SUSD4: variants seen among roughly 807,000 people sequenced by gnomAD.
The protein encoded by SUSD4 is sushi domain containing 4, also known as sushi domain-containing protein 4.
In SUSD4, 41 loss-of-function variants were observed where a neutral mutation model predicts 50.5. The ratio of observed to expected loss-of-function variants is 0.81; its 90% CI spans 0.63 to 1.05. SUSD4 has a LOEUF of 1.05. SUSD4 is among the 50% of genes least tolerant of loss of function. SUSD4 has a pLI of 0.00. For missense variants in SUSD4, 580 were observed against 634.7 expected, an observed-to-expected ratio of 0.91 and a Z score of 0.93; for synonymous variants, 257 against 257.3, an observed-to-expected ratio of 1.00 and a Z score of 0.01.
intron 3 of SUSD4, among the ~76,000 whole-genome samples, chr1:223,286,154 C>A (rs1434051774): frequency 6.6e-6 from 1 of 152,070 alleles, no homozygotes; most frequent in African/African-American, 2.4e-5. Context: ...CTCGCTCTGT[C>A]GCCCAGGCTG....
chr1:223,303,748 G>A (rs1332198489), intron 2 of SUSD4, among the ~76,000 whole-genome samples: 1 of 152,202 alleles, frequency 6.6e-6, no homozygotes, highest in Non-Finnish European at 1.5e-5. Context: ...GGGAAGGTTA[G>A]TGAGGGATTT....
chr1:223,273,152 G>A (rs1663028701), intron 3 of SUSD4, among the ~76,000 whole-genome samples: 1 of 152,200 alleles, frequency 6.6e-6, no homozygotes, highest in Admixed American at 6.5e-5. Context: ...AACAGCTAGT[G>A]CAAAGGCCAG....
chr1:223,344,229 C>T (rs1476363062), intron 2 of SUSD4, among the ~76,000 whole-genome samples: 2 of 152,078 alleles, frequency 1.3e-5, no homozygotes, highest in Non-Finnish European at 2.9e-5. Flanking sequence ...ATCATTCTGA[C>T]AATATTTCAA....
At chr1:223,223,730 G>A (rs1659300020) in intron 7 of SUSD4, 99 bp from the exon 8 acceptor site, 23 of 1,380,436 alleles carry the variant, frequency 1.7e-5, no homozygotes, top group Non-Finnish European at 2.0e-5. Context: ...CAGGACCCAC[G>A]ATGGGCAGCA....
At chr1:223,299,723 A>T (rs1415699334) in intron 2 of SUSD4, among the ~76,000 whole-genome samples, 1 of 152,150 alleles carries the variant, frequency 6.6e-6, no homozygotes, top group African/African-American at 2.4e-5. Flanking sequence ...GCCTCATCCA[A>T]TTTGTCCAAT....
intron 2 of SUSD4, among the ~76,000 whole-genome samples, chr1:223,304,191 C>T (rs1242145828): frequency 6.6e-6 from 1 of 152,176 alleles, no homozygotes; most frequent in Non-Finnish European, 1.5e-5. Flanking sequence ...CTATGAACAT[C>T]TGCTTTTCTG....
chr1:223,268,285 G>A (rs1437976736), intron 4 of SUSD4, among the ~76,000 whole-genome samples: 1 of 152,016 alleles, frequency 6.6e-6, no homozygotes, highest in Admixed American at 6.6e-5. Flanking sequence ...AAAACTGGGT[G>A]TATGGAGCTG....
chr1:223,325,384 C>A (rs940316052), intron 2 of SUSD4, among the ~76,000 whole-genome samples: 6 of 151,960 alleles, frequency 3.9e-5, no homozygotes, highest in Non-Finnish European at 1.5e-5. Context: ...GTAATTCTAC[C>A]AAATTCCAAG....
At chr1:223,286,742 T>C (rs1664168185) in intron 3 of SUSD4, among the ~76,000 whole-genome samples, 1 of 152,198 alleles carries the variant, frequency 6.6e-6, no homozygotes, top group South Asian at 2.1e-4. Flanking sequence ...TAATAAATAA[T>C]AACATCGAGT....
intron 2 of SUSD4, among the ~76,000 whole-genome samples, chr1:223,302,561 T>C (rs1665263136): frequency 6.6e-6 from 1 of 152,148 alleles, no homozygotes; most frequent in African/African-American, 2.4e-5. Context: ...AGAGAAGTTC[T>C]ACATGTTCTG....
intron 5 of SUSD4, among the ~76,000 whole-genome samples, chr1:223,255,753 A>G (rs1308180452): frequency 3.9e-5 from 5 of 127,544 alleles, no homozygotes; most frequent in African/African-American, 1.5e-4. Flanking sequence ...TATATCAAGT[A>G]AAAAAGGCAT....
chr1:223,264,694 C>A lies in SUSD4; in HGVS notation c.660G>T (p.Ala220=). 1 of 1,614,186 alleles carries A rather than the reference C, an allele frequency of 6.2e-7. No homozygotes were observed. The highest frequency in any genetic ancestry group is 1.1e-5 in the South Asian group (1 of 91,088). The change falls in exon 5 of 9, where the codon GCG becomes GCT. Residue 220 remains alanine, a synonymous_variant. Transcript: ENST00000366878. ...TAAGGTTTTGTAAGCACTCAAGATA[C>A]GCAGACCCATCAAGTTTAAATCCGG... ...CFPGFKLDGS[A]YLECLQNLIW...
chr1:223,316,049 G>A lies in SUSD4; in HGVS notation c.149-23398C>T, dbSNP rs369716678. On this transcript the variant is annotated intron_variant, in intron 2 of 8. Coordinates refer to ENST00000366878, the MANE Select transcript of SUSD4 (RefSeq NM_017982.4). ...TGAGAAGCTCTGCCACCCATGGAAAGTGGCTCAGATGTGAGACCTGCATAC... is the reference window on the plus strand; with the variant it reads ...TGAGAAGCTCTGCCACCCATGGAAAATGGCTCAGATGTGAGACCTGCATAC... 2.4e-4 allele frequency among the ~76,000 whole-genome samples: 37 copies of A among 152,314 alleles called. No individual in the cohort carries two copies. In the East Asian group the frequency reaches 3.9e-3, roughly 16 times the overall value.
intron 5 of SUSD4, among the ~76,000 whole-genome samples, chr1:223,245,963 C>T (rs936305645): frequency 5.3e-5 from 8 of 152,156 alleles, no homozygotes; most frequent in Non-Finnish European, 1.0e-4. Context: ...TGGTTTTGCA[C>T]TGGTCGGGTT....
chr1:223,291,029 G>A (rs1473959785), intron 3 of SUSD4, among the ~76,000 whole-genome samples: 1 of 152,018 alleles, frequency 6.6e-6, no homozygotes, highest in East Asian at 1.9e-4. Flanking sequence ...CTGCATGCAA[G>A]AGGAAAAAAT....
intron 5 of SUSD4, among the ~76,000 whole-genome samples, chr1:223,249,031 T>C (rs1281540158): frequency 6.6e-6 from 1 of 152,128 alleles, no homozygotes; most frequent in East Asian, 1.9e-4. Flanking sequence ...TCTGATGAGG[T>C]TGCTTGCTTT....
intron 5 of SUSD4, among the ~76,000 whole-genome samples, chr1:223,260,799 G>A (rs1434715701): frequency 6.6e-6 from 1 of 152,216 alleles, no homozygotes; most frequent in Non-Finnish European, 1.5e-5. Context: ...CATCTTCGTA[G>A]TGGGCTTCCA....
chr1:223,337,251 T>C (rs1185168053), intron 2 of SUSD4, among the ~76,000 whole-genome samples: 2 of 152,188 alleles, frequency 1.3e-5, no homozygotes, highest in Non-Finnish European at 2.9e-5. Context: ...AGCTCAAATG[T>C]CAGTAGAATG....
chr1:223,222,044 G>A lies in SUSD4; in HGVS notation c.*148C>T. On this transcript the variant is annotated 3_prime_UTR_variant, in exon 9 of 9. Transcript: ENST00000366878. ...CATTGCAGTTTGTCAGCCTCACTGT[G>A]GAGCCTGAGATGCATAATGTGAACT... 1.4e-6 allele frequency: 1 copy of A among 722,570 alleles called. No homozygotes were observed. The allele number at this position is 722,570 out of a possible 1,614,324, so 44.8% of individuals were successfully genotyped here.
Sources: allele counts gnomAD v4.1 joint callset (sites outside exome capture counted in the v4.1 genomes callset), GRCh38; gene constraint gnomAD v4.1.1; transcripts MANE v1.5; gene names NCBI Gene and HGNC (gene_info 2026-07-23, HGNC 2026-07-21).